FAF1: variants seen among roughly 807,000 people sequenced by gnomAD.
FAF1 encodes the protein FAS-associated factor 1.
In FAF1, 25 loss-of-function variants were observed where a neutral mutation model predicts 92.5. That is an observed-to-expected ratio of 0.27 (90% CI 0.20 to 0.38). The LOEUF is 0.38. Ranked by LOEUF, FAF1 falls within the 10% of genes least tolerant of loss-of-function variation. The probability of loss-of-function intolerance (pLI) is 1.00; values close to 1 mark genes in which losing one functional copy is unlikely to be tolerated. For synonymous variants in FAF1, 234 were observed against 273.2 expected, an observed-to-expected ratio of 0.86 and a Z score of 1.42; for missense variants, 636 against 793.3, an observed-to-expected ratio of 0.80 and a Z score of 2.38.
chr1:50,647,558 T>G (rs1049934418), intron 8 of FAF1, among the ~76,000 whole-genome samples: 4 of 152,240 alleles, frequency 2.6e-5, no homozygotes, highest in Admixed American at 2.6e-4. Flanking sequence ...TTAACAGAGT[T>G]GTTCCACAAA....
rs139406957 is a variant in FAF1 at position 50,577,250 on chromosome 1, C to T, written c.1113+5368G>A. ...CTAGAAATCTTCCCCCTAGGCTGGG[C>T]GCGGTAGCTCATGCCTGTAATCCCA... On this transcript the variant is annotated intron_variant, in intron 12 of 18. Transcript: ENST00000396153. Among the ~76,000 whole-genome samples the T allele has an allele frequency of 4.4e-3, 674 of 152,310 alleles. 8 individuals are homozygous for T. Among genetic ancestry groups the T allele is most frequent in the African/African-American group, 0.015 (606 of 41,568 alleles).
intron 15 of FAF1, among the ~76,000 whole-genome samples, chr1:50,508,407 A>G (rs1184148397): frequency 6.6e-6 from 1 of 152,260 alleles, no homozygotes; most frequent in Non-Finnish European, 1.5e-5. Context: ...TTTAACCACA[A>G]AAAGAATGAA....
At chr1:50,897,536 T>G (rs1433807548) in intron 1 of FAF1, among the ~76,000 whole-genome samples, 3 of 152,242 alleles carry the variant, frequency 2.0e-5, no homozygotes, top group Non-Finnish European at 4.4e-5. Context: ...CCAATGTGAC[T>G]CCTCACACTA....
intron 4 of FAF1, among the ~76,000 whole-genome samples, chr1:50,765,565 C>T (rs1179660349): frequency 6.6e-6 from 1 of 152,136 alleles, no homozygotes; most frequent in Non-Finnish European, 1.5e-5. Context: ...TGTAGCTCTA[C>T]TAACCATTTC....
At chr1:50,747,136 T>G (rs943407822) in intron 4 of FAF1, among the ~76,000 whole-genome samples, 2 of 152,254 alleles carry the variant, frequency 1.3e-5, no homozygotes, top group Middle Eastern at 6.8e-3. Context: ...ACACACAGTC[T>G]CCATTGGGGC....
chr1:50,766,808 A>AC lies in FAF1; in HGVS notation c.367+21191_367+21192insG, dbSNP rs1220201139. Among the ~76,000 whole-genome samples the AC allele has an allele frequency of 5.2e-4, 78 of 151,176 alleles. 2 individuals carry two copies. Among genetic ancestry groups the AC allele is most frequent in the Admixed American group, 4.1e-3 (62 of 15,196 alleles). ...CAAGCAAGCAAAAAAAAAAAAAAAA[A>AC]AAAACCACACATCCAAAAGACAGCA... On this transcript the variant is annotated intron_variant, in intron 4 of 18. Transcript: ENST00000396153.
chr1:50,909,877 C>G (rs1310420900), intron 1 of FAF1, among the ~76,000 whole-genome samples: 2 of 152,204 alleles, frequency 1.3e-5, no homozygotes, highest in Non-Finnish European at 2.9e-5. Flanking sequence ...GCCTTCTTGT[C>G]TCAACTCGTC....
At chr1:50,559,306 T>C (rs553369549) in intron 13 of FAF1, among the ~76,000 whole-genome samples, 1 of 152,332 alleles carries the variant, frequency 6.6e-6, no homozygotes, top group African/African-American at 2.4e-5. Context: ...TATAAACAGT[T>C]TAGCCATCAA....
intron 8 of FAF1, among the ~76,000 whole-genome samples, chr1:50,619,695 T>G (rs1653099611): frequency 6.6e-6 from 1 of 152,140 alleles, no homozygotes; most frequent in African/African-American, 2.4e-5. Context: ...TACATTGACC[T>G]TGGTGAATCT....
intron 13 of FAF1, among the ~76,000 whole-genome samples, chr1:50,559,008 T>C (rs1394677114): frequency 4.6e-5 from 7 of 152,172 alleles, no homozygotes; most frequent in Non-Finnish European, 7.4e-5. Flanking sequence ...CCCAGCACTT[T>C]GAGAGGCCAA....
intron 7 of FAF1, among the ~76,000 whole-genome samples, chr1:50,675,181 C>T (rs977189334): frequency 6.6e-6 from 1 of 152,162 alleles, no homozygotes; most frequent in Non-Finnish European, 1.5e-5. Context: ...TGAGCCACAG[C>T]GCCCAGCCAG....
At chr1:50,888,301 A>G (rs1644687294) in intron 1 of FAF1, among the ~76,000 whole-genome samples, 1 of 152,224 alleles carries the variant, frequency 6.6e-6, no homozygotes, top group South Asian at 2.1e-4. Flanking sequence ...TTTTCTAAAT[A>G]TACAATCATG....
intron 4 of FAF1, among the ~76,000 whole-genome samples, chr1:50,755,081 A>G (rs1477565173): frequency 6.6e-6 from 1 of 151,924 alleles, no homozygotes. Flanking sequence ...CACATTTCCA[A>G]CCAATCATGC....
At chr1:50,633,082 T>G (rs776196850) in intron 8 of FAF1, among the ~76,000 whole-genome samples, 18 of 152,204 alleles carry the variant, frequency 1.2e-4, no homozygotes, top group Non-Finnish European at 2.4e-4. Context: ...GCTACTTGCC[T>G]CTAAACAACA....
rs377591794 is a variant in FAF1, at chr1:50,844,326, T to C, written c.114+13603A>G. On this transcript the variant is annotated intron_variant, in intron 2 of 18. Transcript: ENST00000396153. ...ATATTTTCTCCCATTCTACAGGCTG[T>C]CAATCACAACTGATTTTTAAGATGC... 6.6e-5 allele frequency among the ~76,000 whole-genome samples: 10 copies of C among 152,292 alleles called. No homozygotes were observed. The South Asian group carries it at 8.3e-4, about 13-fold the overall frequency.
chr1:50,678,015 A>G (rs967594193), intron 7 of FAF1, among the ~76,000 whole-genome samples: 1 of 152,226 alleles, frequency 6.6e-6, no homozygotes, highest in Non-Finnish European at 1.5e-5. Context: ...GGCTAGAGGC[A>G]AAACAGATTC....
At chr1:50,868,370 CT>C (rs1181401764) in intron 1 of FAF1, among the ~76,000 whole-genome samples, 8 of 152,028 alleles carry the variant, frequency 5.3e-5, no homozygotes, top group Non-Finnish European at 1.5e-5. Flanking sequence ...AAAGAAAGTA[CT>C]AGTATTTGCT....
intron 1 of FAF1, among the ~76,000 whole-genome samples, chr1:50,890,862 A>G (rs536267237): frequency 3.3e-5 from 5 of 152,194 alleles, no homozygotes; most frequent in Non-Finnish European, 7.4e-5. Context: ...CCTGAGGATT[A>G]TCTTTGTGAC....
At chr1:50,861,642 T>C (rs1275058118) in intron 1 of FAF1, among the ~76,000 whole-genome samples, 1 of 151,786 alleles carries the variant, frequency 6.6e-6, no homozygotes, top group East Asian at 1.9e-4. Flanking sequence ...AAGCCCAAAC[T>C]TTACCACTAT....
Sources: gnomAD v4.1 joint callset for allele counts (sites outside exome capture counted in the v4.1 genomes callset) on GRCh38, gnomAD v4.1.1 for gene constraint, MANE v1.5 for transcripts, NCBI Gene and HGNC (gene_info 2026-07-23, HGNC 2026-07-21) for gene names.